Variants in PTPN4 observed in about 807,000 individuals in gnomAD.
The protein encoded by PTPN4 is tyrosine-protein phosphatase non-receptor type 4.
PTPN4 carries 49 observed loss-of-function variants against 135.5 expected under a neutral mutation model. That is an observed-to-expected ratio of 0.36 (90% CI 0.29 to 0.46). PTPN4 has a LOEUF of 0.46. Ranked by LOEUF, PTPN4 falls within the 20% of genes least tolerant of loss-of-function variation. The pLI, the probability that PTPN4 is intolerant of heterozygous loss-of-function variation, is 1.00. For missense variants in PTPN4, 860 were observed against 1,101.0 expected, an observed-to-expected ratio of 0.78 and a Z score of 3.10; for synonymous variants, 333 against 369.9, an observed-to-expected ratio of 0.90 and a Z score of 1.14.
intron 1 of PTPN4, among the ~76,000 whole-genome samples, chr2:119,768,686 C>T (rs1263529296): frequency 6.6e-6 from 1 of 152,172 alleles, no homozygotes; most frequent in Non-Finnish European, 1.5e-5. Context: ...AGTCTTCCGA[C>T]CCCGCATTAG....
chr2:119,782,999 C>CTTTTTT (rs5833802), intron 1 of PTPN4, among the ~76,000 whole-genome samples: 1 of 146,274 alleles, frequency 6.8e-6, no homozygotes. Flanking sequence ...GCTGAAATCC[C>CTTTTTT]TTTTTTTTTT....
chr2:119,894,302 T>G (rs1678285880), intron 9 of PTPN4, among the ~76,000 whole-genome samples: 1 of 152,236 alleles, frequency 6.6e-6, no homozygotes, highest in Non-Finnish European at 1.5e-5. Context: ...TTTCTCAGAT[T>G]GGAGCTATAC....
intron 2 of PTPN4, among the ~76,000 whole-genome samples, chr2:119,810,934 C>G (rs1162867341): frequency 6.6e-6 from 1 of 152,040 alleles, no homozygotes; most frequent in Admixed American, 6.6e-5. Context: ...TATATGCAGT[C>G]TGTATTCAAA....
chr2:119,968,514 G>A lies in PTPN4; in HGVS notation c.2694+542G>A, dbSNP rs904347780. 7.2e-5 allele frequency among the ~76,000 whole-genome samples: 11 copies of A among 152,076 alleles called. No individual in the cohort carries two copies. In the South Asian group the frequency reaches 1.2e-3, roughly 17 times the overall value. ...AAAACTTGCATTGCAGCGGCCGGGC[G>A]CGGTAGGTAGCTCACGCCTGTAATC... is the stretch of plus-strand genomic sequence containing the variant. On this transcript the variant is annotated intron_variant, in intron 26 of 26. Transcript: ENST00000263708.
intron 1 of PTPN4, among the ~76,000 whole-genome samples, chr2:119,798,936 G>A (rs745467037): frequency 6.6e-6 from 1 of 152,198 alleles, no homozygotes; most frequent in Non-Finnish European, 1.5e-5. Context: ...CTGAAGGGTG[G>A]AAAATATACT....
At chr2:119,920,852 G>C (rs1678726514) in intron 12 of PTPN4, among the ~76,000 whole-genome samples, 1 of 152,182 alleles carries the variant, frequency 6.6e-6, no homozygotes, top group South Asian at 2.1e-4. Flanking sequence ...ATTCTTAAAA[G>C]ACCCATGCAA....
chr2:119,800,526 C>T (rs1691343244), intron 1 of PTPN4, among the ~76,000 whole-genome samples: 1 of 142,314 alleles, frequency 7.0e-6, no homozygotes. Flanking sequence ...GTTTTGCAGG[C>T]TTTTTTTTTT....
intron 2 of PTPN4, among the ~76,000 whole-genome samples, chr2:119,856,293 G>A (rs1473532773): frequency 6.6e-6 from 1 of 152,144 alleles, no homozygotes; most frequent in Non-Finnish European, 1.5e-5. Context: ...TGATGTTACA[G>A]TATCTGAGAT....
At chr2:119,942,981 T>C (rs1353254724) in intron 15 of PTPN4, among the ~76,000 whole-genome samples, 2 of 152,248 alleles carry the variant, frequency 1.3e-5, no homozygotes, top group Admixed American at 1.3e-4. Context: ...AAAAGAGGGA[T>C]GTATGCTCTG....
chr2:119,903,062 A>G (rs939787318), intron 10 of PTPN4, among the ~76,000 whole-genome samples: 1 of 152,172 alleles, frequency 6.6e-6, no homozygotes, highest in Non-Finnish European at 1.5e-5. Flanking sequence ...AACTGCACCC[A>G]GGATACAGCT....
chr2:119,763,356 G>T (rs1553429930), intron 1 of PTPN4, among the ~76,000 whole-genome samples: 1 of 152,248 alleles, frequency 6.6e-6, no homozygotes, highest in African/African-American at 2.4e-5. Flanking sequence ...TAACAAGGAG[G>T]TTATATAGAG....
At chr2:119,958,313 AG>A (rs1679317818) in intron 22 of PTPN4, among the ~76,000 whole-genome samples, 1 of 145,072 alleles carries the variant, frequency 6.9e-6, no homozygotes, top group Admixed American at 7.0e-5. Context: ...ACTGGGTGAC[AG>A]AACAAGACCC....
chr2:119,821,948 T>TAA (rs1430563248), intron 2 of PTPN4, among the ~76,000 whole-genome samples: 6 of 152,338 alleles, frequency 3.9e-5, no homozygotes, highest in African/African-American at 1.2e-4. Flanking sequence ...TGACGTATTG[T>TAA]TTGTAGACAT....
At chr2:119,935,140 C>G (rs1678964072) in intron 15 of PTPN4, 182 bp downstream of exon 15, 4 of 630,486 alleles carry the variant, frequency 6.3e-6, no homozygotes, top group Non-Finnish European at 1.1e-5. Flanking sequence ...CCCTCCCCGA[C>G]CCAGTCACTA....
chr2:119,932,045 A>G (rs1408558215), intron 13 of PTPN4, among the ~76,000 whole-genome samples: 2 of 152,228 alleles, frequency 1.3e-5, no homozygotes, highest in Non-Finnish European at 2.9e-5. Flanking sequence ...ACATCCCAAG[A>G]TAAGCTAGTG....
intron 2 of PTPN4, among the ~76,000 whole-genome samples, chr2:119,831,060 G>T (rs1262054766): frequency 6.6e-6 from 1 of 152,182 alleles, no homozygotes; most frequent in South Asian, 2.1e-4. Context: ...ATGGATGGGG[G>T]GTGGCAGTAG....
chr2:119,955,300 G>A lies in PTPN4; in HGVS notation c.1957G>A (p.Gly653Arg). 6.2e-7 allele frequency: 1 copy of A among 1,608,316 alleles called. No homozygotes were observed. The highest frequency in any genetic ancestry group is 8.5e-7 in the Non-Finnish European group (1 of 1,178,168). Residue 653 changes from glycine to arginine, a missense_variant, in exon 20 of 27, where the codon GGA (glycine) becomes AGA (arginine). Gly to Arg is a moderately radical substitution (Grantham distance 125, BLOSUM62 -2). Around this residue, in one of 2 missense-constraint regions of PTPN4, gnomAD observed 684 missense variants for 807.0 expected, o/e 0.85. Transcript: ENST00000263708. ...MIQLAEGLIT[G>R]TVLTQFDQLY... Reference sequence around the variant, plus strand: ...CCAGCTAGCTGAGGGGCTTATCACTGGAACAGTCCTGACACAGTTTGATGT... The same window carrying A: ...CCAGCTAGCTGAGGGGCTTATCACTAGAACAGTCCTGACACAGTTTGATGT...
chr2:119,774,052 A>G (rs764197792), intron 1 of PTPN4, among the ~76,000 whole-genome samples: 47 of 152,228 alleles, frequency 3.1e-4, no homozygotes, highest in Non-Finnish European at 4.4e-4. Flanking sequence ...TTAAAATGCC[A>G]TGTGATGCTA....
chr2:119,775,086 GC>G (rs1276448771), intron 1 of PTPN4, among the ~76,000 whole-genome samples: 2 of 117,018 alleles, frequency 1.7e-5, no homozygotes, highest in African/African-American at 6.6e-5. Context: ...AGATGAAGGT[GC>G]CCTATTCTGA....
Sources: allele counts gnomAD v4.1 joint callset (sites outside exome capture counted in the v4.1 genomes callset), GRCh38; gene constraint gnomAD v4.1.1; regional missense constraint gnomAD v4.1.1; transcripts MANE v1.5; gene names NCBI Gene and HGNC (gene_info 2026-07-23, HGNC 2026-07-21).